The following GRM8 variants were observed in gnomAD, a reference collection of about 807,000 sequenced individuals.
GRM8 encodes the protein metabotropic glutamate receptor 8.
Under a neutral mutation model 87.2 loss-of-function variants are expected in GRM8, and 47 were observed. That is an observed-to-expected ratio of 0.54 (90% confidence interval 0.43 to 0.69). GRM8 has a LOEUF of 0.69. Among genes scored for constraint, GRM8 ranks in the 30% least tolerant of loss-of-function variants. The pLI, the probability that GRM8 is intolerant of heterozygous loss-of-function variation, is 0.00. For missense variants in GRM8, 1,019 were observed against 1,139.2 expected, an observed-to-expected ratio of 0.89 and a Z score of 1.52; for synonymous variants, 396 against 404.5, an observed-to-expected ratio of 0.98 and a Z score of 0.25.
At chr7:126,889,577 G>A (rs2131070424) in intron 6 of GRM8, among the ~76,000 whole-genome samples, 1 of 152,214 alleles carries the variant, frequency 6.6e-6, no homozygotes, top group East Asian at 1.9e-4. Context: ...GATAAAGTTA[G>A]GGACAATCTC....
chr7:126,452,319 G>T (rs1430910791), intron 9 of GRM8, among the ~76,000 whole-genome samples: 2 of 150,292 alleles, frequency 1.3e-5, no homozygotes, highest in African/African-American at 2.4e-5. Context: ...AGCATTAGGA[G>T]ATATACCTAA....
intron 1 of GRM8, among the ~76,000 whole-genome samples, chr7:127,245,762 G>C (rs1446923280): frequency 6.6e-6 from 1 of 152,198 alleles, no homozygotes; most frequent in Non-Finnish European, 1.5e-5. Context: ...TTTCATTTCA[G>C]TTTCATTTAT....
In GRM8 at chr7:127,252,876, G is replaced by A. The variant is rs1454383353; in HGVS notation, c.-391C>T. 1.4e-5 allele frequency: 3 copies of A among 221,792 alleles called. No homozygotes were observed. The highest frequency in any genetic ancestry group is 6.3e-5 in the South Asian group (1 of 15,968). 13.7% of individuals were successfully genotyped at this position (221,792 alleles called of 1,614,324 possible). ...TGTCAGCGCCGCCGCCGCCGCCGCC[G>A]CCGCCGCGTGAGGCGAGCACAGCGG... On this transcript the variant is annotated 5_prime_UTR_variant, in exon 1 of 11. Transcript: ENST00000339582. The surrounding 1 kb of genome is among the most constrained non-coding windows in gnomAD (Gnocchi z 4.9).
chr7:126,562,203 G>T (rs1196094879), intron 8 of GRM8, among the ~76,000 whole-genome samples: 5 of 152,146 alleles, frequency 3.3e-5, no homozygotes, highest in African/African-American at 1.2e-4. Flanking sequence ...AGTGGAGAGA[G>T]ATAAAGTGTC....
intron 9 of GRM8, among the ~76,000 whole-genome samples, chr7:126,529,089 A>G (rs1174371791): frequency 6.6e-6 from 1 of 152,222 alleles, no homozygotes; most frequent in South Asian, 2.1e-4. Context: ...TCTTCTCTTT[A>G]AACATGTAGT....
chr7:126,535,129 G>A (rs1246382130), intron 8 of GRM8, among the ~76,000 whole-genome samples: 1 of 152,172 alleles, frequency 6.6e-6, no homozygotes, highest in Non-Finnish European at 1.5e-5. Context: ...TTACTATACT[G>A]TGTGGTAGTC....
intron 7 of GRM8, among the ~76,000 whole-genome samples, chr7:126,635,556 G>A (rs1801773984): frequency 6.6e-6 from 1 of 152,062 alleles, no homozygotes; most frequent in Non-Finnish European, 1.5e-5. Context: ...ATCACAAAAT[G>A]TATTCTTTCA....
Position 127,015,072 on chromosome 7 carries a change from A to AAAGAAGGAGAAGAAGGAG in GRM8, c.727+91406_727+91423dup, listed in dbSNP as rs139270766. On this transcript the variant is annotated intron_variant, in intron 3 of 10. Transcript: ENST00000339582. ...AAGAAGAAGAAGAAGAAGAAGAAAG[A>AAAGAAGGAGAAGAAGGAG]AAGAAGGAGAAGAAGGAGAAGAAGG... 3.6e-3 allele frequency among the ~76,000 whole-genome samples: 372 copies of AAAGAAGGAGAAGAAGGAG among 103,820 alleles called. 11 individuals carry two copies. Among genetic ancestry groups the AAAGAAGGAGAAGAAGGAG allele is most frequent in the Middle Eastern group, 0.011 (2 of 186 alleles). 68.1% of individuals were successfully genotyped at this position (103,820 alleles called of 152,430 possible). A position where few individuals can be genotyped will look rare whatever the true frequency, so the allele number is the denominator to read the frequency against.
chr7:126,785,283 C>T (rs1820506410), intron 6 of GRM8, among the ~76,000 whole-genome samples: 1 of 152,094 alleles, frequency 6.6e-6, no homozygotes, highest in African/African-American at 2.4e-5. Flanking sequence ...TGGTAAAACA[C>T]CCTCTTTCGG....
chr7:126,477,581 GAGAA>G (rs36192147), intron 9 of GRM8, among the ~76,000 whole-genome samples: 8,672 of 78,702 alleles, frequency 0.11, 326 homozygotes, highest in Non-Finnish European at 0.12. Context: ...GAAAGAAAGA[GAGAA>G]AGAAAGAAAG....
intron 7 of GRM8, among the ~76,000 whole-genome samples, chr7:126,637,366 A>AT (rs1470553282): frequency 6.6e-6 from 1 of 152,156 alleles, no homozygotes; most frequent in Non-Finnish European, 1.5e-5. Flanking sequence ...TGTTCTGGAG[A>AT]TGAGTAGTAG....
At chr7:127,212,671 C>G (rs576036900) in intron 2 of GRM8, among the ~76,000 whole-genome samples, 2 of 152,126 alleles carry the variant, frequency 1.3e-5, no homozygotes, top group Admixed American at 6.5e-5. Flanking sequence ...CCCGCCTCGG[C>G]CTCCCAAAGT....
At chr7:127,169,295 A>C (rs1438601105) in intron 2 of GRM8, among the ~76,000 whole-genome samples, 1 of 152,212 alleles carries the variant, frequency 6.6e-6, no homozygotes, top group Non-Finnish European at 1.5e-5. Context: ...GACTGGACAG[A>C]AGATCAAACC....
chr7:127,087,993 G>A (rs994082625), intron 3 of GRM8, among the ~76,000 whole-genome samples: 1 of 152,098 alleles, frequency 6.6e-6, no homozygotes, highest in Non-Finnish European at 1.5e-5. Flanking sequence ...TTTTTTAAAT[G>A]AGGAAATGAA....
chr7:127,140,272 T>C (rs1042388651), intron 2 of GRM8, among the ~76,000 whole-genome samples: 3 of 152,108 alleles, frequency 2.0e-5, no homozygotes, highest in African/African-American at 4.8e-5. Flanking sequence ...CCCTGGTCTC[T>C]ATTCATTAGA....
chr7:126,733,444 A>C (rs1301787610), intron 7 of GRM8, among the ~76,000 whole-genome samples: 1 of 150,642 alleles, frequency 6.6e-6, no homozygotes, highest in Non-Finnish European at 1.5e-5. Flanking sequence ...TAAAAAAATA[A>C]GTGGCTTGCT....
At chr7:127,034,359 A>C (rs2132329752) in intron 3 of GRM8, among the ~76,000 whole-genome samples, 1 of 152,176 alleles carries the variant, frequency 6.6e-6, no homozygotes, top group Non-Finnish European at 1.5e-5. Flanking sequence ...TGAGTTTATG[A>C]CCCTTGAGCA....
chr7:126,922,247 A>T (rs1258902282), intron 3 of GRM8, among the ~76,000 whole-genome samples: 1 of 152,172 alleles, frequency 6.6e-6, no homozygotes, highest in African/African-American at 2.4e-5. Flanking sequence ...TCAAATGCAG[A>T]ATCATGATAA....
intron 3 of GRM8, among the ~76,000 whole-genome samples, chr7:126,923,966 T>C (rs1260568691): frequency 2.0e-5 from 3 of 152,178 alleles, no homozygotes; most frequent in Non-Finnish European, 4.4e-5. Context: ...CAAATACATC[T>C]ACATGTATTT....
Sources: gnomAD v4.1 joint callset for allele counts (sites outside exome capture counted in the v4.1 genomes callset) on GRCh38, gnomAD v4.1.1 for gene constraint, Gnocchi (gnomAD v3.1) non-coding constraint, MANE v1.5 for transcripts, NCBI Gene and HGNC (gene_info 2026-07-23, HGNC 2026-07-21) for gene names.